The following ODAD2 variants were observed in gnomAD, a reference collection of about 807,000 sequenced individuals.
ODAD2 encodes the protein outer dynein arm docking complex subunit 2, also known as outer dynein arm-docking complex subunit 2.
Under a neutral mutation model 106.8 loss-of-function variants are expected in ODAD2, and 89 were observed. That is an observed-to-expected ratio of 0.83 (90% CI 0.70 to 0.99). The LOEUF (loss-of-function observed/expected upper bound fraction) is 0.99. Among genes scored for constraint, ODAD2 ranks in the 50% least tolerant of loss-of-function variants. The pLI, the probability that ODAD2 is intolerant of heterozygous loss-of-function variation, is 0.00. For missense variants in ODAD2, 1,168 were observed against 1,238.5 expected (o/e 0.94, Z 0.85); for synonymous variants, 404 against 436.2 (o/e 0.93, Z 0.92).
intron 17 of ODAD2, among the ~76,000 whole-genome samples, chr10:27,886,741 C>T (rs562322455): frequency 1.3e-4 from 19 of 151,940 alleles, no homozygotes; most frequent in East Asian, 7.7e-4. Flanking sequence ...GCATTCATAA[C>T]GTAGTGTGTG....
intron 19 of ODAD2, among the ~76,000 whole-genome samples, chr10:27,821,161 A>G (rs1029678863): frequency 1.3e-5 from 2 of 152,214 alleles, no homozygotes; most frequent in Non-Finnish European, 2.9e-5. Flanking sequence ...TTAGCTAAGT[A>G]CAGTCTCAAT....
chr10:27,867,867 T>G (rs570211100), intron 17 of ODAD2, among the ~76,000 whole-genome samples: 1 of 151,866 alleles, frequency 6.6e-6, no homozygotes, highest in Non-Finnish European at 1.5e-5. Flanking sequence ...GAGAATCGCT[T>G]GAACCTGGGA....
intron 7 of ODAD2, among the ~76,000 whole-genome samples, chr10:27,978,060 G>A (rs1174066252): frequency 6.6e-6 from 1 of 152,150 alleles, no homozygotes; most frequent in Non-Finnish European, 1.5e-5. Flanking sequence ...GTACAAAAAT[G>A]TTCTTAGTAG....
intron 16 of ODAD2, among the ~76,000 whole-genome samples, chr10:27,924,030 G>GAAAGAAAGAAAGAAAGAAAGAGAGAA (rs1554810903): frequency 9.6e-6 from 1 of 103,832 alleles, no homozygotes; most frequent in African/African-American, 3.4e-5. Context: ...AAGAAGGAAA[G>GAAAGAAAGAAAGAAAGAAAGAGAGAA]AGAAAGAAAG....
intron 19 of ODAD2, among the ~76,000 whole-genome samples, chr10:27,821,687 A>G (rs1415964767): frequency 6.6e-6 from 1 of 152,184 alleles, no homozygotes; most frequent in African/African-American, 2.4e-5. Flanking sequence ...TAATTACATA[A>G]AAGGAATAGT....
At chr10:27,815,013 GTTC>G (rs961793945) in intron 19 of ODAD2, among the ~76,000 whole-genome samples, 2 of 152,136 alleles carry the variant, frequency 1.3e-5, no homozygotes, top group South Asian at 2.1e-4. Flanking sequence ...TCAATCTTCA[GTTC>G]TTCTTTTTAG....
At chr10:27,872,772 A>C (rs902331378) in intron 17 of ODAD2, among the ~76,000 whole-genome samples, 1 of 151,866 alleles carries the variant, frequency 6.6e-6, no homozygotes. Flanking sequence ...ATTTTATTGA[A>C]GATTTTTGCA....
chr10:27,940,809 T>C lies in ODAD2; in HGVS notation c.1744-4A>G, dbSNP rs2132578885. On this transcript the variant is annotated splice_region_variant and splice_polypyrimidine_tract_variant and intron_variant, in intron 12 of 19. Coordinates refer to ENST00000305242, the MANE Select transcript of ODAD2 (RefSeq NM_018076.5). Reference sequence around the variant, plus strand: ...GTGCACAGTCTAGTAGAGCAACCTATAATAATAGATAAATCCAATGTTCAT... The same window carrying C: ...GTGCACAGTCTAGTAGAGCAACCTACAATAATAGATAAATCCAATGTTCAT... 2 of 1,610,134 alleles carry C rather than the reference T, an allele frequency of 1.2e-6. No individual in the cohort carries two copies. The highest frequency in any genetic ancestry group is 1.7e-6 in the Non-Finnish European group (2 of 1,177,156).
intron 10 of ODAD2, among the ~76,000 whole-genome samples, chr10:27,947,930 A>G (rs563707304): frequency 1.3e-4 from 20 of 152,196 alleles, no homozygotes; most frequent in Non-Finnish European, 2.8e-4. Flanking sequence ...TTTCGAGCTT[A>G]TACACTCAGC....
intron 2 of ODAD2, among the ~76,000 whole-genome samples, chr10:27,988,198 TAAAA>T (rs1849998216): frequency 6.6e-6 from 1 of 152,028 alleles, no homozygotes; most frequent in African/African-American, 2.4e-5. Flanking sequence ...GGTTGGCCTT[TAAAA>T]AATATTAAGA....
intron 10 of ODAD2, among the ~76,000 whole-genome samples, chr10:27,949,723 A>C (rs1307355470): frequency 6.6e-6 from 1 of 152,198 alleles, no homozygotes; most frequent in Admixed American, 6.5e-5. Flanking sequence ...CATTTATAAA[A>C]GATCACTCTG....
chr10:27,889,408 C>T (rs572614691), intron 17 of ODAD2, among the ~76,000 whole-genome samples: 142 of 152,308 alleles, frequency 9.3e-4, no homozygotes, highest in Non-Finnish European at 1.7e-3. Flanking sequence ...TCAAATTTGA[C>T]ATCAGAATAA....
In ODAD2 at chr10:27,994,959, T is replaced by C. The variant is rs764481366; in HGVS notation, c.184A>G (p.Ser62Gly). Reference protein sequence around the residue: ...VFVEPLEWNTSLAPSAFESGY... With the variant: ...VFVEPLEWNTGLAPSAFESGY... ...GATTCAAATGCTGAGGGCGCCAAAC[T>C]TGTGTTCCATTCAAGTGGTTCCACA... is the stretch of plus-strand genomic sequence containing the variant. Residue 62 changes from serine (S) to glycine (G), a missense_variant, in exon 2 of 20, where the codon AGT (serine) becomes GGT (glycine). Ser to Gly is a moderately conservative substitution (Grantham distance 56). Transcript: ENST00000305242. 5.0e-6 allele frequency: 8 copies of C among 1,613,988 alleles called. No individual in the cohort carries two copies. In the Admixed American group the frequency reaches 1.0e-4, roughly 20 times the overall value.
chr10:27,861,455 C>T (rs541755614), intron 18 of ODAD2, among the ~76,000 whole-genome samples: 28 of 152,138 alleles, frequency 1.8e-4, no homozygotes, highest in Non-Finnish European at 3.7e-4. Context: ...CTACACAACG[C>T]AAAATTACAG....
At chr10:27,932,031 C>T (rs1845650079) in intron 16 of ODAD2, among the ~76,000 whole-genome samples, 1 of 152,048 alleles carries the variant, frequency 6.6e-6, no homozygotes, top group Non-Finnish European at 1.5e-5. Context: ...AACTCATGGG[C>T]TCAAGCAATT....
At chr10:27,831,165 C>A (rs1837448799) in intron 19 of ODAD2, among the ~76,000 whole-genome samples, 1 of 152,204 alleles carries the variant, frequency 6.6e-6, no homozygotes, top group African/African-American at 2.4e-5. Context: ...CTTACCTCTG[C>A]AGATAATGCT....
chr10:27,950,344 A>G, intron 10 of ODAD2, among the ~76,000 whole-genome samples: 1 of 152,224 alleles, frequency 6.6e-6, no homozygotes, highest in East Asian at 1.9e-4. Flanking sequence ...GAGTCAAAGC[A>G]GAAAAATACA....
chr10:27,900,611 G>A (rs1843133064), intron 17 of ODAD2, among the ~76,000 whole-genome samples: 1 of 152,174 alleles, frequency 6.6e-6, no homozygotes. Flanking sequence ...CTTTAGAGAA[G>A]AACAGAAATG....
chr10:27,901,955 C>A (rs1843237161), intron 17 of ODAD2, among the ~76,000 whole-genome samples: 1 of 151,866 alleles, frequency 6.6e-6, no homozygotes, highest in African/African-American at 2.4e-5. Flanking sequence ...AACAAGCGAA[C>A]CTAATAGACA....
Sources: allele counts gnomAD v4.1 joint callset (sites outside exome capture counted in the v4.1 genomes callset), GRCh38; gene constraint gnomAD v4.1.1; transcripts MANE v1.5; gene names NCBI Gene and HGNC (gene_info 2026-07-23, HGNC 2026-07-21).